Variants in MARCHF1 observed in about 807,000 individuals in gnomAD.
MARCHF1 encodes the protein membrane associated ring-CH-type finger 1, also known as E3 ubiquitin-protein ligase MARCHF1.
Under a neutral mutation model 54.2 loss-of-function variants are expected in MARCHF1, and 40 were observed. The ratio of observed to expected loss-of-function variants is 0.74; its 90% CI spans 0.57 to 0.96. The LOEUF (loss-of-function observed/expected upper bound fraction) is 0.96. Among genes scored for constraint, MARCHF1 ranks in the 40% least tolerant of loss-of-function variants. The pLI is 0.00. For missense variants in MARCHF1, 586 were observed against 656.5 expected (o/e 0.89, Z 1.17); for synonymous variants, 236 against 236.3 (o/e 1.00, Z 0.01).
chr4:164,192,408 A>T (rs919944481), intron 1 of MARCHF1, among the ~76,000 whole-genome samples: 1 of 152,212 alleles, frequency 6.6e-6, no homozygotes, highest in African/African-American at 2.4e-5. Flanking sequence ...ATTATGATGC[A>T]AACTCTTCTA....
At chr4:164,000,148 A>T (rs1323643809) in intron 2 of MARCHF1, among the ~76,000 whole-genome samples, 2 of 151,714 alleles carry the variant, frequency 1.3e-5, no homozygotes, top group Non-Finnish European at 1.5e-5. Context: ...CTCTATAGTA[A>T]TGTTTTTGCT....
chr4:163,631,418 C>T (rs1277855703), intron 5 of MARCHF1, among the ~76,000 whole-genome samples: 2 of 152,114 alleles, frequency 1.3e-5, no homozygotes, highest in Non-Finnish European at 2.9e-5. Context: ...GTCTTGAATT[C>T]CTGACTTCAG....
chr4:163,823,379 T>G (rs1197892773), intron 4 of MARCHF1, among the ~76,000 whole-genome samples: 1 of 151,770 alleles, frequency 6.6e-6, no homozygotes, highest in Admixed American at 6.6e-5. Context: ...TCTAATAAAC[T>G]CGAAACACTT....
Position 163,833,096 on chromosome 4 carries a change from G to A in MARCHF1, c.111+20925C>T, listed in dbSNP as rs1019723034. On this transcript the variant is annotated intron_variant, in intron 4 of 9. Transcript: ENST00000514618. Reference sequence around the variant, plus strand: ...AGCAGCATGATTTATAGTCCTTTGGGTATATACCCAGTAATGAGATGGCTG... The same window carrying A: ...AGCAGCATGATTTATAGTCCTTTGGATATATACCCAGTAATGAGATGGCTG... Among the ~76,000 whole-genome samples, 11 of 152,024 alleles carry A rather than the reference G, an allele frequency of 7.2e-5. 1 individual carries two copies. The highest frequency in any genetic ancestry group is 2.4e-4 in the African/African-American group (10 of 41,342).
intron 3 of MARCHF1, among the ~76,000 whole-genome samples, chr4:163,875,308 T>A (rs1325791309): frequency 6.6e-6 from 1 of 152,190 alleles, no homozygotes; most frequent in African/African-American, 2.4e-5. Flanking sequence ...GTCCGTGATT[T>A]TTTGATTTTT....
intron 1 of MARCHF1, among the ~76,000 whole-genome samples, chr4:164,161,869 G>A (rs1897216): frequency 0.84 from 127,486 of 152,078 alleles, 53,949 homozygotes; most frequent in Non-Finnish European, 0.89. Flanking sequence ...ATGATATGTT[G>A]TTATTTACAG....
At chr4:163,530,463 G>A (rs1409085775) in intron 9 of MARCHF1, 1 of 151,798 alleles carries the variant, frequency 6.6e-6, no homozygotes, top group East Asian at 1.9e-4. Flanking sequence ...TGCTTATCCA[G>A]TTTTTCTGAA....
chr4:164,077,958 T>C (rs563288548), intron 2 of MARCHF1, among the ~76,000 whole-genome samples: 78 of 152,340 alleles, frequency 5.1e-4, no homozygotes, highest in African/African-American at 1.4e-3. Flanking sequence ...TCAACCATTG[T>C]GGAAGGCAGT....
At chr4:164,079,185 A>C (rs966200169) in intron 2 of MARCHF1, among the ~76,000 whole-genome samples, 1 of 152,116 alleles carries the variant, frequency 6.6e-6, no homozygotes, top group Non-Finnish European at 1.5e-5. Flanking sequence ...ATTTTATACT[A>C]TGGTATTAGC....
intron 2 of MARCHF1, among the ~76,000 whole-genome samples, chr4:163,999,726 A>G (rs1753149257): frequency 1.3e-5 from 2 of 151,544 alleles, no homozygotes; most frequent in Non-Finnish European, 3.0e-5. Flanking sequence ...ATATCTGCCA[A>G]ATAATGTAGT....
chr4:164,154,062 T>C (rs1579578975), intron 1 of MARCHF1, among the ~76,000 whole-genome samples: 1 of 152,228 alleles, frequency 6.6e-6, no homozygotes, highest in Admixed American at 6.5e-5. Flanking sequence ...TTTTGGGTTA[T>C]ATATGTGAAA....
At chr4:163,856,534 T>G (rs529025957) in intron 3 of MARCHF1, among the ~76,000 whole-genome samples, 1 of 152,346 alleles carries the variant, frequency 6.6e-6, no homozygotes, top group South Asian at 2.1e-4. Context: ...TTTATTATAT[T>G]AATGTAGAAT....
At chr4:163,828,749 T>C (rs1748927940) in intron 4 of MARCHF1, 1 of 152,168 alleles carries the variant, frequency 6.6e-6, no homozygotes, top group Admixed American at 6.5e-5. Context: ...ACCCTGAACA[T>C]TGGATATTCT....
chr4:163,669,790 G>C (rs927303767), intron 5 of MARCHF1, among the ~76,000 whole-genome samples: 2 of 151,970 alleles, frequency 1.3e-5, no homozygotes, highest in Non-Finnish European at 1.5e-5. Context: ...GTAGAGACAG[G>C]GTTTCACCAT....
intron 8 of MARCHF1, among the ~76,000 whole-genome samples, chr4:163,547,548 G>T (rs991686202): frequency 6.6e-6 from 1 of 152,170 alleles, no homozygotes; most frequent in African/African-American, 2.4e-5. Flanking sequence ...TTGAGAACTG[G>T]AGTTTTCTCA....
chr4:163,530,320 T>A (rs1738302911), intron 9 of MARCHF1: 1 of 152,068 alleles, frequency 6.6e-6, no homozygotes, highest in Admixed American at 6.6e-5. Flanking sequence ...TTAGCTCATG[T>A]TGCAAGATCT....
intron 3 of MARCHF1, among the ~76,000 whole-genome samples, chr4:163,860,771 C>G (rs28771089): frequency 0.045 from 6,785 of 152,178 alleles, 294 homozygotes; most frequent in East Asian, 0.17. Flanking sequence ...CCAAAGGCAA[C>G]AGGATAGACA....
intron 1 of MARCHF1, among the ~76,000 whole-genome samples, chr4:164,377,868 C>T (rs1173977160): frequency 6.6e-6 from 1 of 152,122 alleles, no homozygotes; most frequent in East Asian, 1.9e-4. Flanking sequence ...TCTAAAAATA[C>T]GTTTGGAGTT....
At chr4:163,904,658 T>C (rs939981872) in intron 3 of MARCHF1, among the ~76,000 whole-genome samples, 21 of 152,256 alleles carry the variant, frequency 1.4e-4, no homozygotes, top group Middle Eastern at 3.4e-3. Context: ...TATTCTATAG[T>C]AGGAAATATT....
Sources: allele counts gnomAD v4.1 joint callset (sites outside exome capture counted in the v4.1 genomes callset), GRCh38; gene constraint gnomAD v4.1.1; transcripts MANE v1.5; gene names NCBI Gene and HGNC (gene_info 2026-07-23, HGNC 2026-07-21).